The following RNF169 variants were observed in gnomAD, a reference collection of about 807,000 sequenced individuals.
The protein encoded by RNF169 is E3 ubiquitin-protein ligase RNF169.
In RNF169, 24 loss-of-function variants were observed where a neutral mutation model predicts 53.9. That is an observed-to-expected ratio of 0.45 (90% CI 0.32 to 0.63). The LOEUF (loss-of-function observed/expected upper bound fraction) is 0.63. Among genes scored for constraint, RNF169 ranks in the 20% least tolerant of loss-of-function variants. RNF169 has a pLI of 0.04. For missense variants in RNF169, 883 were observed against 906.2 expected (o/e 0.97, Z 0.33); for synonymous variants, 396 against 363.5 (o/e 1.09, Z -1.02).
At chr11:74,762,897 G>A (rs554598669) in intron 1 of RNF169, among the ~76,000 whole-genome samples, 2 of 152,292 alleles carry the variant, frequency 1.3e-5, no homozygotes, top group Admixed American at 6.5e-5. Context: ...GTAGAGATGG[G>A]TTATTTCAGG....
chr11:74,783,426 G>A (rs1320496832), intron 1 of RNF169, among the ~76,000 whole-genome samples: 3 of 152,160 alleles, frequency 2.0e-5, no homozygotes, highest in South Asian at 2.1e-4. Context: ...TTCCTGTTAA[G>A]TATAGTAATA....
rs1390901372 is a variant in RNF169, at chr11:74,837,763, A to G, written c.*1033A>G. The stretch of plus-strand genomic sequence containing the variant: ...AGGCAAGGAACAATACTTAAACTCC[A>G]TACTATGGAAACAAGGTATCTAGCT... On this transcript the variant is annotated 3_prime_UTR_variant, in exon 6 of 6. Transcript: ENST00000299563. 6.6e-6 allele frequency: 1 copy of G among 152,234 alleles called. No individual in the cohort carries two copies. The highest frequency in any genetic ancestry group is 2.4e-5 in the African/African-American group (1 of 41,462). The allele number at this position is 152,234 out of a possible 1,614,324, so 9.4% of individuals were successfully genotyped here.
At chr11:74,797,738 C>T (rs760186298) in intron 2 of RNF169, among the ~76,000 whole-genome samples, 66 of 152,064 alleles carry the variant, frequency 4.3e-4, no homozygotes, top group Admixed American at 2.6e-4. Context: ...CCAGCACTTT[C>T]GGAGGCTGAG....
chr11:74,753,534 A>G (rs1246188438), intron 1 of RNF169, among the ~76,000 whole-genome samples: 2 of 152,236 alleles, frequency 1.3e-5, no homozygotes, highest in Non-Finnish European at 2.9e-5. Context: ...GGTTTTTGCC[A>G]TAACTTTCAA....
chr11:74,756,799 C>CT (rs1219871360), intron 1 of RNF169, among the ~76,000 whole-genome samples: 2 of 152,146 alleles, frequency 1.3e-5, no homozygotes, highest in East Asian at 3.9e-4. Context: ...TAATAGTGGA[C>CT]TTTGAGTGCC....
chr11:74,815,172 A>C (rs1015226297), intron 3 of RNF169, among the ~76,000 whole-genome samples: 5 of 152,160 alleles, frequency 3.3e-5, no homozygotes, highest in African/African-American at 9.7e-5. Flanking sequence ...TGAGGGGTAA[A>C]TATTGGGAAT....
chr11:74,835,602 A>G lies in RNF169; in HGVS notation c.999A>G (p.Gln333=), dbSNP rs753798982. Residue 333 remains glutamine, a synonymous_variant, in exon 6 of 6, where the codon CAA becomes CAG. Transcript: ENST00000299563. Reference sequence around the variant, plus strand: ...TCATTGGTGTCCTCTTGTCAACTCAAAACAACCGCTGCGTCTCGGCCCCTG... The same window carrying G: ...TCATTGGTGTCCTCTTGTCAACTCAGAACAACCGCTGCGTCTCGGCCCCTG... ...NPIIGVLLST[Q]NNRCVSAPDL... The G allele has an allele frequency of 6.2e-7, 1 of 1,614,130 alleles. No individual in the cohort carries two copies. The highest frequency in any genetic ancestry group is 1.1e-5 in the South Asian group (1 of 91,082).
At chr11:74,802,890 A>G (rs2035752314) in intron 2 of RNF169, among the ~76,000 whole-genome samples, 1 of 142,214 alleles carries the variant, frequency 7.0e-6, no homozygotes, top group Admixed American at 7.4e-5. Context: ...GGGAAAAGGG[A>G]TTTGAAAACA....
At chr11:74,790,286 G>C (rs995640434) in intron 2 of RNF169, among the ~76,000 whole-genome samples, 11 of 152,228 alleles carry the variant, frequency 7.2e-5, no homozygotes, top group African/African-American at 2.7e-4. Flanking sequence ...TATGTTGCTA[G>C]ATAGTGTCAT....
chr11:74,785,199 TATATATATATGATATATATATGTTA>T (rs2035476077), intron 1 of RNF169, among the ~76,000 whole-genome samples: 1 of 116,090 alleles, frequency 8.6e-6, no homozygotes, highest in South Asian at 2.5e-4. Context: ...ATATATATGA[TATATATATATGATATATATATGTTA>T]TATATATTAT....
intron 1 of RNF169, among the ~76,000 whole-genome samples, chr11:74,754,107 A>G (rs1420575854): frequency 6.6e-6 from 1 of 152,142 alleles, no homozygotes; most frequent in Admixed American, 6.5e-5. Context: ...ATTATGTAAT[A>G]TGTGTCTACT....
At chr11:74,806,343 C>T (rs1481992048) in intron 2 of RNF169, among the ~76,000 whole-genome samples, 1 of 152,070 alleles carries the variant, frequency 6.6e-6, no homozygotes, top group East Asian at 1.9e-4. Context: ...TACTGAGTGT[C>T]AGCAAGGGTG....
intron 2 of RNF169, among the ~76,000 whole-genome samples, chr11:74,798,649 A>G (rs2135099239): frequency 6.6e-6 from 1 of 152,072 alleles, no homozygotes; most frequent in Non-Finnish European, 1.5e-5. Context: ...ACCCACACCT[A>G]TTCACACACT....
At chr11:74,815,990 T>C (rs995067536) in intron 3 of RNF169, among the ~76,000 whole-genome samples, 2 of 152,212 alleles carry the variant, frequency 1.3e-5, no homozygotes, top group African/African-American at 4.8e-5. Context: ...AGTTTCTTCA[T>C]TGAATATTTT....
In RNF169 at chr11:74,786,651, A is replaced by G. The variant is rs185560206; in HGVS notation, c.503-2975A>G. Among the ~76,000 whole-genome samples the G allele has an allele frequency of 3.7e-3, 556 of 152,316 alleles. 1 individual carries two copies. Among genetic ancestry groups the G allele is most frequent in the Non-Finnish European group, 6.6e-3 (448 of 68,030 alleles). On this transcript the variant is annotated intron_variant, in intron 1 of 5. Transcript: ENST00000299563. Reference sequence around the variant, plus strand: ...TGCTGTCCCACCAGTACCAGAGACAATTTTATACTCAGTAAATTCTGCTGC... The same window carrying G: ...TGCTGTCCCACCAGTACCAGAGACAGTTTTATACTCAGTAAATTCTGCTGC...
intron 1 of RNF169, among the ~76,000 whole-genome samples, chr11:74,756,242 T>G (rs529203001): frequency 6.6e-6 from 1 of 152,322 alleles, no homozygotes; most frequent in East Asian, 1.9e-4. Flanking sequence ...AATATGCAAC[T>G]GAAATGTGGT....
In RNF169 at chr11:74,750,871, T is replaced by TTTTG. The variant is rs1253912140; in HGVS notation, c.502+1492_502+1493insGTTT. Among the ~76,000 whole-genome samples, 160 of 117,102 alleles carry TTTTG rather than the reference T, an allele frequency of 1.4e-3. 4 individuals carry two copies. Among genetic ancestry groups the TTTTG allele is most frequent in the African/African-American group, 5.3e-3 (155 of 29,068 alleles). 76.8% of individuals were successfully genotyped at this position (117,102 alleles called of 152,430 possible). ...CCCGCCTTGGCCTCCCAAGGTTTTT[T>TTTTG]TTTTTTTTTTTTTTTTTTTTGAGAC... On this transcript the variant is annotated intron_variant, in intron 1 of 5. Coordinates refer to ENST00000299563, the MANE Select transcript of RNF169 (RefSeq NM_001098638.2).
At position 74,839,655 on chromosome 11, in the gene RNF169, G is replaced by C. The variant is rs2036317243; in HGVS notation, c.*2925G>C. 6.6e-6 allele frequency: 1 copy of C among 152,172 alleles called. No homozygotes were observed. The highest frequency in any genetic ancestry group is 6.5e-5 in the Admixed American group (1 of 15,274). The allele number at this position is 152,172 out of a possible 1,614,324, so 9.4% of individuals were successfully genotyped here. On this transcript the variant is annotated 3_prime_UTR_variant, in exon 6 of 6. Coordinates refer to ENST00000299563, the MANE Select transcript of RNF169 (RefSeq NM_001098638.2). ...TTTTATTATTAAAGGGGAAGTTAGG[G>C]GGGAGGGTGAAGGTCAGTCTGAGGG...
chr11:74,839,001 AAAG>A lies in RNF169; in HGVS notation c.*2274_*2276del, dbSNP rs2135160125. ...TGGAATTGATTTTTGTCTTTGGTAAAAAGAAATATTTTTAATAGATAAAAGATA... is the reference window on the plus strand; with the variant it reads ...TGGAATTGATTTTTGTCTTTGGTAAAAAATATTTTTAATAGATAAAAGATA... On this transcript the variant is annotated 3_prime_UTR_variant, in exon 6 of 6. Coordinates refer to ENST00000299563, the MANE Select transcript of RNF169 (RefSeq NM_001098638.2). The A allele has an allele frequency of 6.6e-6, 1 of 152,320 alleles. No individual in the cohort carries two copies. Among genetic ancestry groups the A allele is most frequent in the South Asian group, 2.1e-4 (1 of 4,826 alleles). 9.4% of individuals were successfully genotyped at this position (152,320 alleles called of 1,614,324 possible).
Sources: gnomAD v4.1 joint callset for allele counts (sites outside exome capture counted in the v4.1 genomes callset) on GRCh38, gnomAD v4.1.1 for gene constraint, MANE v1.5 for transcripts, NCBI Gene and HGNC (gene_info 2026-07-23, HGNC 2026-07-21) for gene names.